FOXK2: variants seen among roughly 807,000 people sequenced by gnomAD.
The protein encoded by FOXK2 is forkhead box protein K2.
Under a neutral mutation model 53.3 loss-of-function variants are expected in FOXK2, and 24 were observed. The ratio of observed to expected loss-of-function variants is 0.45; its 90% CI spans 0.33 to 0.63. FOXK2 has a LOEUF of 0.63. Among genes scored for constraint, FOXK2 ranks in the 30% least tolerant of loss-of-function variants. The pLI, the probability that FOXK2 is intolerant of heterozygous loss-of-function variation, is 0.03. For missense variants in FOXK2, 952 were observed against 910.5 expected, an observed-to-expected ratio of 1.05 and a Z score of -0.59; for synonymous variants, 505 against 407.1, an observed-to-expected ratio of 1.24 and a Z score of -2.89.
At chr17:82,574,768 A>G (rs1207375127) in intron 4 of FOXK2, among the ~76,000 whole-genome samples, 4 of 152,292 alleles carry the variant, frequency 2.6e-5, no homozygotes, top group East Asian at 1.9e-4. Flanking sequence ...CCTGGCTTAC[A>G]ACAAAAGCCA....
chr17:82,595,688 G>A lies in FOXK2; in HGVS notation c.1787-5615G>A, dbSNP rs528917314. ...CGTTGAAAGCTCTAACAGTGGGGTC[G>A]GTCCCTGTTATTAAGCCTGTGTCAC... On this transcript the variant is annotated intron_variant, in intron 8 of 8. Coordinates refer to ENST00000335255, the MANE Select transcript of FOXK2 (RefSeq NM_004514.4). 4.1e-4 allele frequency: 412 copies of A among 1,007,426 alleles called. 5 individuals carry two copies. The South Asian group carries it at 5.3e-3, about 13-fold the overall frequency. The allele number at this position is 1,007,426 out of a possible 1,614,324, so 62.4% of individuals were successfully genotyped here. A position where few individuals can be genotyped will look rare whatever the true frequency, so the allele number is the denominator to read the frequency against.
intron 4 of FOXK2, chr17:82,572,179 CA>C (rs2044925833): frequency 4.1e-6 from 1 of 246,598 alleles, no homozygotes; most frequent in Non-Finnish European, 7.7e-6. Context: ...TTGACCAATG[CA>C]GTTCATATTT....
intron 8 of FOXK2, chr17:82,595,981 G>A (rs867549268): frequency 1.7e-6 from 2 of 1,182,046 alleles, no homozygotes; most frequent in Non-Finnish European, 2.1e-6. Flanking sequence ...GCTGTTCCGA[G>A]TCAGCGTAGG....
intron 3 of FOXK2, 146 bp downstream of exon 3, chr17:82,568,347 G>C (rs2044875493): frequency 1.0e-6 from 1 of 971,580 alleles, no homozygotes; most frequent in African/African-American, 1.7e-5. Flanking sequence ...TTCTGGTGTT[G>C]CTGCTGTGTT....
intron 4 of FOXK2, among the ~76,000 whole-genome samples, chr17:82,575,606 A>G (rs926605547): frequency 1.3e-5 from 2 of 152,222 alleles, no homozygotes; most frequent in Admixed American, 6.5e-5. Context: ...CTACATCAGG[A>G]GCAGAAGACA....
At chr17:82,570,182 A>T (rs1004321339) in intron 3 of FOXK2, among the ~76,000 whole-genome samples, 1 of 151,448 alleles carries the variant, frequency 6.6e-6, no homozygotes, top group East Asian at 1.9e-4. Context: ...AAATCGCGCC[A>T]CTGCACTCCA....
intron 4 of FOXK2, among the ~76,000 whole-genome samples, chr17:82,575,314 A>T (rs2044969654): frequency 7.1e-6 from 1 of 140,296 alleles, no homozygotes; most frequent in East Asian, 1.9e-4. Flanking sequence ...TTCAGCAAAC[A>T]CGCAAACACA....
intron 1 of FOXK2, among the ~76,000 whole-genome samples, chr17:82,560,587 G>T (rs2144109795): frequency 6.6e-6 from 1 of 152,270 alleles, no homozygotes; most frequent in East Asian, 1.9e-4. Context: ...GTTTCCATTG[G>T]TTTCGATACC....
At chr17:82,567,206 T>G (rs1045326240) in intron 2 of FOXK2, among the ~76,000 whole-genome samples, 1 of 152,202 alleles carries the variant, frequency 6.6e-6, no homozygotes, top group African/African-American at 2.4e-5. Context: ...ACCTTCTCTA[T>G]GCATTTGCAA....
intron 5 of FOXK2, 71 bp from the exon 6 acceptor site, chr17:82,583,942 T>G (rs1026543818): frequency 1.3e-5 from 19 of 1,490,454 alleles, no homozygotes; most frequent in Non-Finnish European, 1.6e-5. Flanking sequence ...CAAAGTGCAC[T>G]TATTAAAACA....
intron 1 of FOXK2, among the ~76,000 whole-genome samples, chr17:82,538,461 G>T (rs946953442): frequency 2.0e-5 from 3 of 152,154 alleles, no homozygotes; most frequent in African/African-American, 7.2e-5. Context: ...CTCCAACCTG[G>T]GTGACAGACC....
chr17:82,550,640 C>G (rs1203190397), intron 1 of FOXK2, among the ~76,000 whole-genome samples: 1 of 151,776 alleles, frequency 6.6e-6, no homozygotes, highest in Non-Finnish European at 1.5e-5. Context: ...GTAGCTGGGA[C>G]TACAGGCGCC....
Position 82,586,017 on chromosome 17 carries a change from C to G in FOXK2, c.1393C>G (p.Pro465Ala). ...CCCAGTGACCACCTCGACCTCCCAG[C>G]CACCCGTCGTGCAGACGGTTCACGT... ...ATPVTTSTSQ[P>A]PVVQTVHVVH... The change falls in exon 7 of 9, where the codon CCA becomes GCA. Residue 465 changes from proline (P) to alanine (A), a missense_variant. By Grantham distance (27) the Pro-to-Ala change is conservative (BLOSUM62 -1). Around this residue, in one of 5 missense-constraint regions of FOXK2, gnomAD observed 551 missense variants for 385.1 expected, o/e 1.43. Coordinates refer to ENST00000335255, the MANE Select transcript of FOXK2 (RefSeq NM_004514.4). 6.2e-7 allele frequency: 1 copy of G among 1,612,826 alleles called. No homozygotes were observed. The highest frequency in any genetic ancestry group is 1.3e-5 in the African/African-American group (1 of 75,066).
At chr17:82,585,501 T>C (rs973141104) in intron 6 of FOXK2, among the ~76,000 whole-genome samples, 1 of 152,092 alleles carries the variant, frequency 6.6e-6, no homozygotes, top group African/African-American at 2.4e-5. Flanking sequence ...ATATTTGTCG[T>C]AGAGACAGGG....
Position 82,526,776 on chromosome 17 carries a change from A to G in FOXK2, c.419+6469A>G, listed in dbSNP as rs532721148. Among the ~76,000 whole-genome samples the G allele has an allele frequency of 8.6e-5, 13 of 151,234 alleles. No individual in the cohort carries two copies. In the South Asian group the frequency reaches 2.5e-3, roughly 29 times the overall value. On this transcript the variant is annotated intron_variant, in intron 1 of 8. Coordinates refer to ENST00000335255, the MANE Select transcript of FOXK2 (RefSeq NM_004514.4). Reference sequence around the variant, plus strand: ...ACCCAGGAGATTGGAGCTTGCAGTGAGCCGAGATCGCGCCACTGCACTCCA... The same window carrying G: ...ACCCAGGAGATTGGAGCTTGCAGTGGGCCGAGATCGCGCCACTGCACTCCA...
At chr17:82,538,208 G>C (rs1219948067) in intron 1 of FOXK2, among the ~76,000 whole-genome samples, 1 of 152,074 alleles carries the variant, frequency 6.6e-6, no homozygotes, top group Non-Finnish European at 1.5e-5. Context: ...GGGCGACTGA[G>C]CAAGACTCCG....
rs537364119 is a variant in FOXK2, at chr17:82,570,054, G to C, written c.763-1670G>C. ...TGGCTAACACGGTGAAATCCCGTCTGTACTAAAAATACAAAAAATTAGCTG... is the reference window on the plus strand; with the variant it reads ...TGGCTAACACGGTGAAATCCCGTCTCTACTAAAAATACAAAAAATTAGCTG... On this transcript the variant is annotated intron_variant, in intron 3 of 8. Coordinates refer to ENST00000335255, the MANE Select transcript of FOXK2 (RefSeq NM_004514.4). Among the ~76,000 whole-genome samples the C allele has an allele frequency of 1.9e-3, 288 of 151,050 alleles. 1 individual carries two copies. Among genetic ancestry groups the C allele is most frequent in the African/African-American group, 6.1e-3 (252 of 41,080 alleles).
At chr17:82,601,122 C>T (rs1043645235) in intron 8 of FOXK2, 181 bp from the exon 9 acceptor site, 2 of 644,770 alleles carry the variant, frequency 3.1e-6, no homozygotes, top group Non-Finnish European at 2.6e-6. Flanking sequence ...CCACCGTGGG[C>T]CAGTCCCTGG....
At position 82,597,021 on chromosome 17, in the gene FOXK2, C is replaced by T. The variant is rs557539361; in HGVS notation, c.1787-4282C>T. Among the ~76,000 whole-genome samples, 8 of 152,214 alleles carry T rather than the reference C, an allele frequency of 5.3e-5. No individual in the cohort carries two copies. In the South Asian group the frequency reaches 1.7e-3, roughly 32 times the overall value. On this transcript the variant is annotated intron_variant, in intron 8 of 8. Transcript: ENST00000335255. The stretch of plus-strand genomic sequence containing the variant: ...GTCTACGAGTTCAGCCGGTGAGGGG[C>T]AGGGGCTGGTGAAGGCGGCGGCGCC...
Sources: allele counts gnomAD v4.1 joint callset (sites outside exome capture counted in the v4.1 genomes callset), GRCh38; gene constraint gnomAD v4.1.1; regional missense constraint gnomAD v4.1.1; transcripts MANE v1.5; gene names NCBI Gene and HGNC (gene_info 2026-07-23, HGNC 2026-07-21).